Variants in IPCEF1 observed in about 807,000 individuals in gnomAD.
The protein encoded by IPCEF1 is interactor protein for cytohesin exchange factors 1.
A neutral mutation model predicts 50.9 loss-of-function variants in IPCEF1; 31 were observed. The ratio of observed to expected loss-of-function variants is 0.61; its 90% CI spans 0.46 to 0.82. The LOEUF (loss-of-function observed/expected upper bound fraction) is 0.82, where lower values mean the gene tolerates loss of function less well. IPCEF1 is among the 40% of genes least tolerant of loss of function. The probability of loss-of-function intolerance (pLI) is 0.00; values close to 1 mark genes in which losing one functional copy is unlikely to be tolerated. For synonymous variants in IPCEF1, 181 were observed against 192.0 expected (o/e 0.94, Z 0.47); for missense variants, 458 against 514.0 (o/e 0.89, Z 1.05).
At chr6:154,282,878 T>G (rs1042064887) in intron 2 of IPCEF1, among the ~76,000 whole-genome samples, 1 of 152,154 alleles carries the variant, frequency 6.6e-6, no homozygotes, top group Admixed American at 6.5e-5. Context: ...AGTGGTCACC[T>G]TGGTGAAATG....
intron 2 of IPCEF1, among the ~76,000 whole-genome samples, chr6:154,285,743 A>G (rs908711271): frequency 2.6e-5 from 4 of 152,190 alleles, no homozygotes; most frequent in African/African-American, 9.7e-5. Context: ...GCCAGCATAC[A>G]AGTTTTTAAC....
At chr6:154,228,793 C>T (rs1034787078) in intron 5 of IPCEF1, among the ~76,000 whole-genome samples, 6 of 152,126 alleles carry the variant, frequency 3.9e-5, no homozygotes, top group South Asian at 4.1e-4. Context: ...GCGGCCAAGG[C>T]GGGAGGATGA....
intron 1 of IPCEF1, among the ~76,000 whole-genome samples, chr6:154,322,466 C>T (rs560919679): frequency 2.6e-5 from 4 of 152,170 alleles, no homozygotes; most frequent in African/African-American, 7.2e-5. Flanking sequence ...ATCGTACTGG[C>T]AGCATTAACC....
intron 1 of IPCEF1, among the ~76,000 whole-genome samples, chr6:154,301,478 A>C (rs2128675116): frequency 6.6e-6 from 1 of 152,322 alleles, no homozygotes; most frequent in Non-Finnish European, 1.5e-5. Flanking sequence ...AGGCTACGAA[A>C]GCACTTGTTT....
At chr6:154,186,537 G>C (rs982337689) in intron 10 of IPCEF1, among the ~76,000 whole-genome samples, 1 of 151,970 alleles carries the variant, frequency 6.6e-6, no homozygotes, top group Non-Finnish European at 1.5e-5. Context: ...CACGGAGCCA[G>C]AGCAGCTCCT....
At chr6:154,353,167 C>A (rs1013688641) in intron 1 of IPCEF1, among the ~76,000 whole-genome samples, 3 of 152,092 alleles carry the variant, frequency 2.0e-5, no homozygotes, top group Admixed American at 6.5e-5. Context: ...TTTTAAGTGT[C>A]ATTTCTTAGA....
Position 154,242,235 on chromosome 6 carries a change from T to C in IPCEF1, c.246+4356A>G, listed in dbSNP as rs113105704. 3.8e-3 allele frequency among the ~76,000 whole-genome samples: 578 copies of C among 152,320 alleles called. 3 individuals are homozygous for C. Among genetic ancestry groups the C allele is most frequent in the African/African-American group, 0.013 (548 of 41,560 alleles). On this transcript the variant is annotated intron_variant, in intron 5 of 11. Coordinates refer to ENST00000367220, the MANE Select transcript of IPCEF1 (RefSeq NM_001130700.2). ...AATGTGTTAGCAAAATGAGAGCAGC[T>C]GTGCAGGACCTAATCGGAACCTTGG...
At chr6:154,249,506 G>A (rs1289113530) in intron 3 of IPCEF1, among the ~76,000 whole-genome samples, 1 of 152,152 alleles carries the variant, frequency 6.6e-6, no homozygotes, top group African/African-American at 2.4e-5. Flanking sequence ...GGGGAATAGG[G>A]AGAAAAGGGC....
intron 10 of IPCEF1, among the ~76,000 whole-genome samples, chr6:154,188,427 T>A (rs1038568751): frequency 6.6e-6 from 1 of 152,196 alleles, no homozygotes; most frequent in African/African-American, 2.4e-5. Context: ...GATTTCTGTT[T>A]CCCCCAGATT....
intron 1 of IPCEF1, among the ~76,000 whole-genome samples, chr6:154,304,099 G>A (rs141666078): frequency 7.0e-4 from 106 of 151,848 alleles, no homozygotes; most frequent in Non-Finnish European, 1.3e-3. Context: ...GGGGCACACC[G>A]GTAGTCCCAG....
Position 154,197,555 on chromosome 6 carries a change from A to T in IPCEF1, c.910+2113T>A, listed in dbSNP as rs145880873. Among the ~76,000 whole-genome samples the T allele has an allele frequency of 5.7e-3, 864 of 152,340 alleles. 5 individuals carry two copies. Among genetic ancestry groups the T allele is most frequent in the African/African-American group, 0.02 (821 of 41,574 alleles). On this transcript the variant is annotated intron_variant, in intron 10 of 11. Coordinates refer to ENST00000367220, the MANE Select transcript of IPCEF1 (RefSeq NM_001130700.2). Reference sequence around the variant, plus strand: ...TTGAGCTGTTTGAAGAAGTATACAGATTTTGCTGGTCACTCTGCATGTAAC... The same window carrying T: ...TTGAGCTGTTTGAAGAAGTATACAGTTTTTGCTGGTCACTCTGCATGTAAC...
intron 6 of IPCEF1, among the ~76,000 whole-genome samples, chr6:154,222,752 G>A (rs1252952814): frequency 6.6e-6 from 1 of 152,186 alleles, no homozygotes; most frequent in East Asian, 1.9e-4. Flanking sequence ...TCAATTCCAA[G>A]TGTGCATCTG....
intron 10 of IPCEF1, among the ~76,000 whole-genome samples, chr6:154,186,367 C>A (rs1050129949): frequency 4.0e-4 from 61 of 152,324 alleles, no homozygotes; most frequent in African/African-American, 1.3e-3. Context: ...CGCATGTCAG[C>A]AAATTCCATT....
intron 3 of IPCEF1, among the ~76,000 whole-genome samples, chr6:154,256,114 A>G (rs959219494): frequency 2.6e-5 from 4 of 152,202 alleles, no homozygotes; most frequent in Admixed American, 2.6e-4. Context: ...GGCTTAAACA[A>G]CAAATATTTA....
At chr6:154,245,115 G>T (rs1384288428) in intron 5 of IPCEF1, among the ~76,000 whole-genome samples, 2 of 152,126 alleles carry the variant, frequency 1.3e-5, no homozygotes, top group Non-Finnish European at 2.9e-5. Context: ...ACAGACCCAG[G>T]TTGCCTCAAT....
At chr6:154,229,220 G>A (rs944894219) in intron 5 of IPCEF1, among the ~76,000 whole-genome samples, 1 of 152,162 alleles carries the variant, frequency 6.6e-6, no homozygotes, top group Non-Finnish European at 1.5e-5. Flanking sequence ...TATTTATAAG[G>A]TGTGGAATAA....
intron 1 of IPCEF1, among the ~76,000 whole-genome samples, chr6:154,345,721 A>C (rs1225859184): frequency 6.6e-6 from 1 of 152,216 alleles, no homozygotes; most frequent in Admixed American, 6.5e-5. Context: ...GTCAGTTATC[A>C]TAAAGAAAGA....
chr6:154,190,513 C>G (rs986513981), intron 10 of IPCEF1, among the ~76,000 whole-genome samples: 1 of 152,178 alleles, frequency 6.6e-6, no homozygotes, highest in Non-Finnish European at 1.5e-5. Context: ...AAACACCAAA[C>G]GTTGGCAAGG....
chr6:154,313,331 C>T (rs1309567135), intron 1 of IPCEF1, among the ~76,000 whole-genome samples: 8 of 150,670 alleles, frequency 5.3e-5, no homozygotes, highest in African/African-American at 1.5e-4. Flanking sequence ...GCTGAGATCG[C>T]GCCACTCCAC....
Sources: gnomAD v4.1 joint callset for allele counts (sites outside exome capture counted in the v4.1 genomes callset) on GRCh38, gnomAD v4.1.1 for gene constraint, MANE v1.5 for transcripts, NCBI Gene and HGNC (gene_info 2026-07-23, HGNC 2026-07-21) for gene names.